SCOC: variants seen among roughly 807,000 people sequenced by gnomAD.
SCOC encodes the protein short coiled coil protein.
Under a neutral mutation model 9.9 loss-of-function variants are expected in SCOC, and 7 were observed. That is an observed-to-expected ratio of 0.71 (90% CI 0.40 to 1.33). The LOEUF (loss-of-function observed/expected upper bound fraction) is 1.33. Among genes scored for constraint, SCOC ranks in the 40% most tolerant of loss-of-function variants. The pLI, the probability that SCOC is intolerant of heterozygous loss-of-function variation, is 0.01. For missense variants in SCOC, 66 were observed against 89.7 expected, an observed-to-expected ratio of 0.74 and a Z score of 1.07; for synonymous variants, 19 against 28.2, an observed-to-expected ratio of 0.67 and a Z score of 1.03.
chr4:140,353,709 T>G (rs1241289616), intron 2 of SCOC, among the ~76,000 whole-genome samples: 1 of 152,230 alleles, frequency 6.6e-6, no homozygotes, highest in African/African-American at 2.4e-5. Flanking sequence ...GTATTCATTT[T>G]CAGTCCTCAA....
intron 1 of SCOC, among the ~76,000 whole-genome samples, chr4:140,276,532 C>T (rs1460797669): frequency 2.6e-5 from 4 of 152,022 alleles, no homozygotes; most frequent in East Asian, 3.9e-4. Flanking sequence ...GGCACAAACT[C>T]GGCTCACTGC....
At chr4:140,315,661 C>T (rs1431658446) in intron 1 of SCOC, among the ~76,000 whole-genome samples, 1 of 152,204 alleles carries the variant, frequency 6.6e-6, no homozygotes, top group Admixed American at 6.5e-5. Flanking sequence ...CCTGCACTGT[C>T]TAGTGGAACC....
intron 1 of SCOC, among the ~76,000 whole-genome samples, chr4:140,334,675 C>T (rs187586667): frequency 1.9e-3 from 286 of 152,258 alleles, no homozygotes; most frequent in African/African-American, 6.7e-3. Context: ...CAATTTTATG[C>T]AGCCGTTCTC....
intron 1 of SCOC, among the ~76,000 whole-genome samples, chr4:140,263,718 C>G (rs1048818209): frequency 6.6e-6 from 1 of 152,062 alleles, no homozygotes; most frequent in African/African-American, 2.4e-5. Flanking sequence ...ATCATATCAC[C>G]CCGAATGGGT....
upstream of SCOC, among the ~76,000 whole-genome samples, chr4:140,370,758 C>T (rs1290070394): frequency 6.6e-6 from 1 of 152,022 alleles, no homozygotes; most frequent in Non-Finnish European, 1.5e-5. Flanking sequence ...TGTTATTTTA[C>T]CTAATTATTA....
chr4:140,287,128 A>T (rs138715861), intron 1 of SCOC, among the ~76,000 whole-genome samples: 94 of 152,140 alleles, frequency 6.2e-4, no homozygotes, highest in African/African-American at 2.2e-3. Context: ...CATGCTACAC[A>T]CACATCATGT....
At chr4:140,376,959 A>G (rs1203412495) in intron 1 of SCOC, among the ~76,000 whole-genome samples, 1 of 152,218 alleles carries the variant, frequency 6.6e-6, no homozygotes, top group African/African-American at 2.4e-5. Context: ...CTTAGCTATC[A>G]TGAAAATTCG....
chr4:140,371,440 C>G (rs1476456678), upstream of SCOC, among the ~76,000 whole-genome samples: 1 of 152,088 alleles, frequency 6.6e-6, no homozygotes, highest in Non-Finnish European at 1.5e-5. Context: ...AGTTTTATTT[C>G]TGTCGTGGTA....
chr4:140,293,568 G>T (rs1731539051), intron 1 of SCOC: 4 of 364,168 alleles, frequency 1.1e-5, no homozygotes, highest in Non-Finnish European at 2.2e-5. Context: ...TTTTAGGTAA[G>T]TCTTGGCCAG....
chr4:140,287,309 T>C (rs1191982309), intron 1 of SCOC, among the ~76,000 whole-genome samples: 1 of 149,618 alleles, frequency 6.7e-6, no homozygotes, highest in Non-Finnish European at 1.5e-5. Flanking sequence ...ATAGATACCA[T>C]ACACCACACA....
chr4:140,278,462 G>C (rs963923786), intron 1 of SCOC, among the ~76,000 whole-genome samples: 2 of 152,116 alleles, frequency 1.3e-5, no homozygotes, highest in African/African-American at 4.8e-5. Context: ...ACCACGCCTG[G>C]CTAATTTTTT....
chr4:140,330,565 A>G (rs539213016), intron 1 of SCOC, among the ~76,000 whole-genome samples: 133 of 152,364 alleles, frequency 8.7e-4, no homozygotes, highest in Non-Finnish European at 1.7e-3. Context: ...TGAGCTACAA[A>G]TCAAGATTTT....
At chr4:140,268,205 G>A (rs1578755526) in intron 1 of SCOC, among the ~76,000 whole-genome samples, 1 of 152,172 alleles carries the variant, frequency 6.6e-6, no homozygotes. Flanking sequence ...TTCTGGTGGG[G>A]GCTTATGCAT....
chr4:140,320,835 G>A (rs867034059), intron 1 of SCOC, among the ~76,000 whole-genome samples: 1 of 152,174 alleles, frequency 6.6e-6, no homozygotes, highest in East Asian at 1.9e-4. Flanking sequence ...CTTCACTTTG[G>A]GGGCAGGGCA....
At chr4:140,272,470 A>G (rs1730868230) in intron 1 of SCOC, among the ~76,000 whole-genome samples, 1 of 152,182 alleles carries the variant, frequency 6.6e-6, no homozygotes, top group South Asian at 2.1e-4. Context: ...ATAAAAGAAC[A>G]CCACCTTACA....
At chr4:140,380,904 TA>T in intron 3 of SCOC, 57 bp from the exon 4 acceptor site, 1 of 1,273,898 alleles carries the variant, frequency 7.8e-7, no homozygotes. Context: ...AAGAATTTTG[TA>T]ATATGGAATC....
At chr4:140,321,144 A>G (rs1732490180) in intron 1 of SCOC, among the ~76,000 whole-genome samples, 1 of 152,176 alleles carries the variant, frequency 6.6e-6, no homozygotes, top group African/African-American at 2.4e-5. Context: ...GCAATAACAA[A>G]CTTCCAGTCC....
chr4:140,362,109 T>G (rs1438387304), intron 2 of SCOC, among the ~76,000 whole-genome samples: 1 of 109,618 alleles, frequency 9.1e-6, no homozygotes, highest in African/African-American at 3.1e-5. Flanking sequence ...TTTCTTTAGT[T>G]TTCTGCCTTC....
In SCOC at chr4:140,275,047, C is replaced by T. The variant is rs143238377; in HGVS notation, c.-19+17637C>T. 2.5e-3 allele frequency among the ~76,000 whole-genome samples: 384 copies of T among 152,278 alleles called. 5 individuals are homozygous for T. Among genetic ancestry groups the T allele is most frequent in the Non-Finnish European group, 2.8e-3 (192 of 68,008 alleles). On this transcript the variant is annotated intron_variant, in intron 1 of 4. Transcript: ENST00000394205. ...TGGTGGTGGTTGGTTGGTTTTTGCA[C>T]CTCAGATTCACAGAACTGGATAAAA... is the stretch of plus-strand genomic sequence containing the variant.
Sources: allele counts gnomAD v4.1 joint callset (sites outside exome capture counted in the v4.1 genomes callset), GRCh38; gene constraint gnomAD v4.1.1; transcripts MANE v1.5; gene names NCBI Gene and HGNC (gene_info 2026-07-23, HGNC 2026-07-21).